The following SLCO4C1 variants were observed in gnomAD, a reference collection of about 807,000 sequenced individuals.
SLCO4C1 encodes solute carrier organic anion transporter family member 4C1.
Under a neutral mutation model 72.1 loss-of-function variants are expected in SLCO4C1, and 58 were observed. The observed-to-expected ratio is 0.80, with a 90% CI of 0.65 to 1.00. The LOEUF is 1.00. Among genes scored for constraint, SLCO4C1 ranks in the 50% least tolerant of loss-of-function variants. The pLI, the probability that SLCO4C1 is intolerant of heterozygous loss-of-function variation, is 0.00. For synonymous variants in SLCO4C1, 297 were observed against 312.5 expected, an observed-to-expected ratio of 0.95 and a Z score of 0.52; for missense variants, 898 against 857.9, an observed-to-expected ratio of 1.05 and a Z score of -0.58.
chr5:102,287,941 T>A (rs1749487003), intron 2 of SLCO4C1, among the ~76,000 whole-genome samples: 1 of 152,128 alleles, frequency 6.6e-6, no homozygotes. Context: ...GAATTTTGTG[T>A]CTGTCATATT....
At chr5:102,243,888 G>T (rs187526131) in intron 10 of SLCO4C1, among the ~76,000 whole-genome samples, 1 of 152,214 alleles carries the variant, frequency 6.6e-6, no homozygotes, top group East Asian at 1.9e-4. Flanking sequence ...TTTACAAAAA[G>T]ACTGAAATAA....
At chr5:102,277,427 A>G (rs1451256897) in intron 2 of SLCO4C1, among the ~76,000 whole-genome samples, 1 of 151,780 alleles carries the variant, frequency 6.6e-6, no homozygotes, top group Non-Finnish European at 1.5e-5. Flanking sequence ...AAGCACCCCC[A>G]CTCCCTCTCT....
intron 2 of SLCO4C1, among the ~76,000 whole-genome samples, chr5:102,287,249 A>T (rs1323744597): frequency 6.6e-6 from 1 of 152,102 alleles, no homozygotes; most frequent in East Asian, 1.9e-4. Flanking sequence ...TTGACAAATA[A>T]TTCAGATTTT....
At chr5:102,258,210 C>T (rs1561371006) in intron 6 of SLCO4C1, 123 bp from the exon 7 acceptor site, 5 of 689,390 alleles carry the variant, frequency 7.3e-6, no homozygotes, top group Admixed American at 3.8e-5. Flanking sequence ...TCAGCATTTC[C>T]TCCAAAACAA....
Position 102,239,322 on chromosome 5 carries a change from T to G in SLCO4C1, c.1943A>C (p.Asn648Thr). 1.2e-6 allele frequency: 2 copies of G among 1,606,182 alleles called. No homozygotes were observed. The highest frequency in any genetic ancestry group is 1.7e-4 in the Middle Eastern group (1 of 6,034). Residue 648 changes from asparagine (N) to threonine (T), a missense_variant, in exon 12 of 13, where the codon AAT becomes ACT. Physicochemically the swap from Asn to Thr is moderately conservative, Grantham distance 65. Transcript: ENST00000310954. ...GCAAGCTCCTTTAATTCCACAATCA[T>G]TTATATCCCAAAGAATACATGTGCT... ...IDSTCILWDI[N>T]DCGIKGACWI...
intron 3 of SLCO4C1, among the ~76,000 whole-genome samples, chr5:102,267,658 T>G (rs1030077810): frequency 2.0e-5 from 3 of 151,696 alleles, no homozygotes; most frequent in Non-Finnish European, 2.9e-5. Context: ...CTTCTAATTT[T>G]GGGTTTGTTT....
At chr5:102,262,725 C>A in intron 4 of SLCO4C1, among the ~76,000 whole-genome samples, 1 of 152,132 alleles carries the variant, frequency 6.6e-6, no homozygotes, top group Non-Finnish European at 1.5e-5. Context: ...TTTTAATACA[C>A]TTTGGCCCTT....
chr5:102,260,620 A>G (rs959245296), intron 5 of SLCO4C1, among the ~76,000 whole-genome samples: 2 of 151,974 alleles, frequency 1.3e-5, no homozygotes, highest in Non-Finnish European at 2.9e-5. Context: ...AAACATTAAA[A>G]TGAGACAATT....
At chr5:102,269,167 A>G (rs2161601) in intron 3 of SLCO4C1, among the ~76,000 whole-genome samples, 114,466 of 151,974 alleles carry the variant, frequency 0.75, 43,169 homozygotes, top group Middle Eastern at 0.84. Flanking sequence ...GGTTGAATCT[A>G]TTTGGGAATC....
chr5:102,237,815 C>T (rs1748467532), intron 12 of SLCO4C1, among the ~76,000 whole-genome samples: 1 of 152,088 alleles, frequency 6.6e-6, no homozygotes, highest in Non-Finnish European at 1.5e-5. Flanking sequence ...ATATCACACT[C>T]AATACTTAAC....
At chr5:102,265,885 T>C (rs1749028463) in intron 3 of SLCO4C1, among the ~76,000 whole-genome samples, 1 of 152,176 alleles carries the variant, frequency 6.6e-6, no homozygotes, top group Non-Finnish European at 1.5e-5. Context: ...ATTGAATCTG[T>C]ACATTGCTTT....
intron 12 of SLCO4C1, among the ~76,000 whole-genome samples, chr5:102,237,479 G>T (rs1748459589): frequency 6.6e-6 from 1 of 151,952 alleles, no homozygotes. Flanking sequence ...TATGATGGAT[G>T]GTACAGCCTG....
chr5:102,293,995 G>T (rs1343549614), intron 1 of SLCO4C1, among the ~76,000 whole-genome samples: 1 of 152,154 alleles, frequency 6.6e-6, no homozygotes, highest in African/African-American at 2.4e-5. Flanking sequence ...TTCAAACTCC[G>T]CCTCCTGGGT....
At position 102,260,308 on chromosome 5, in the gene SLCO4C1, T is replaced by C; in HGVS notation, c.1033A>G (p.Ile345Val). The C allele has an allele frequency of 3.2e-6, 4 of 1,258,334 alleles. No individual in the cohort carries two copies. The highest frequency in any genetic ancestry group is 3.1e-6 in the Non-Finnish European group (3 of 967,104). The allele number at this position is 1,258,334 out of a possible 1,614,324, so 77.9% of individuals were successfully genotyped here. Reference protein sequence around the residue: ...FPKHLPGTAEIQAGKTSQAHQ... With the variant: ...FPKHLPGTAEVQAGKTSQAHQ... ...GCCTGGGAAGTTTTTCCAGCTTGAATTTCTGCTGTACCTAAAAAAAAAATA... is the reference window on the plus strand; with the variant it reads ...GCCTGGGAAGTTTTTCCAGCTTGAACTTCTGCTGTACCTAAAAAAAAAATA... Residue 345 changes from isoleucine to valine, a missense_variant, in exon 6 of 13, where the codon ATT (isoleucine) becomes GTT (valine). Coordinates refer to ENST00000310954, the MANE Select transcript of SLCO4C1 (RefSeq NM_180991.5).
intron 3 of SLCO4C1, 130 bp downstream of exon 3, chr5:102,270,494 T>C: frequency 1.6e-6 from 1 of 609,740 alleles, no homozygotes. Flanking sequence ...AAAGTAATAC[T>C]GCATTTATTT....
At chr5:102,260,436 A>G (rs1190693355) in intron 5 of SLCO4C1, 117 bp from the exon 6 acceptor site, 1 of 215,110 alleles carries the variant, frequency 4.6e-6, no homozygotes, top group Non-Finnish European at 9.1e-6. Context: ...TTCTTCATGT[A>G]AAAAAAGTGC....
intron 10 of SLCO4C1, among the ~76,000 whole-genome samples, chr5:102,246,902 A>G (rs1414030328): frequency 6.6e-6 from 1 of 152,146 alleles, no homozygotes; most frequent in Non-Finnish European, 1.5e-5. Context: ...TGCATAAGGT[A>G]GAATGCATGC....
Position 102,236,840 on chromosome 5 carries a change from G to A in SLCO4C1, c.*18C>T. ...AGGTAAATTTTCCAGGTGTAAAACAGTCTTCTCTTTTCCCATTTCACCCTT... is the reference window on the plus strand; with the variant it reads ...AGGTAAATTTTCCAGGTGTAAAACAATCTTCTCTTTTCCCATTTCACCCTT... On this transcript the variant is annotated 3_prime_UTR_variant, in exon 13 of 13. Transcript: ENST00000310954. 7 of 1,608,696 alleles carry A rather than the reference G, an allele frequency of 4.4e-6. No homozygotes were observed. The highest frequency in any genetic ancestry group is 5.9e-6 in the Non-Finnish European group (7 of 1,178,600).
chr5:102,281,332 T>G (rs1318941974), intron 2 of SLCO4C1, among the ~76,000 whole-genome samples: 1 of 152,044 alleles, frequency 6.6e-6, no homozygotes, highest in Non-Finnish European at 1.5e-5. Context: ...AATAGAAAAC[T>G]ATAAAACTTT....
Sources: allele counts gnomAD v4.1 joint callset (sites outside exome capture counted in the v4.1 genomes callset), GRCh38; gene constraint gnomAD v4.1.1; transcripts MANE v1.5; gene names NCBI Gene and HGNC (gene_info 2026-07-23, HGNC 2026-07-21).